Variants in R3HDM2 observed in about 807,000 individuals in gnomAD.
R3HDM2 encodes R3H domain-containing protein 2.
R3HDM2 carries 38 observed loss-of-function variants against 124.5 expected under a neutral mutation model. That is an observed-to-expected ratio of 0.31 (90% CI 0.24 to 0.40). The LOEUF is 0.40. Ranked by LOEUF, R3HDM2 falls within the 10% of genes least tolerant of loss-of-function variation. R3HDM2 has a pLI of 1.00. For missense variants in R3HDM2, 869 were observed against 1,236.9 expected (o/e 0.70, Z 4.46); for synonymous variants, 391 against 448.0 (o/e 0.87, Z 1.61).
chr12:57,335,127 G>A (rs1417677366), intron 2 of R3HDM2, among the ~76,000 whole-genome samples: 3 of 151,662 alleles, frequency 2.0e-5, no homozygotes, highest in Non-Finnish European at 2.9e-5. Flanking sequence ...GGGCAACAGA[G>A]CAAGACTCGG....
intron 2 of R3HDM2, among the ~76,000 whole-genome samples, chr12:57,319,757 C>G (rs972824904): frequency 1.3e-5 from 2 of 152,154 alleles, no homozygotes; most frequent in African/African-American, 4.8e-5. Context: ...CAGACTGTTA[C>G]TAATACAGAG....
chr12:57,430,476 G>C, intron 1 of R3HDM2: 5 of 953,644 alleles, frequency 5.2e-6, no homozygotes, highest in Non-Finnish European at 6.2e-6. Context: ...GCCACAGGTG[G>C]CGCCACCCCC....
At chr12:57,412,310 G>GC (rs2069078151) in intron 1 of R3HDM2, among the ~76,000 whole-genome samples, 1 of 50,024 alleles carries the variant, frequency 2.0e-5, no homozygotes, top group South Asian at 8.9e-4. Flanking sequence ...GGGAGGCCAA[G>GC]GGGGGCGAAT....
intron 1 of R3HDM2, among the ~76,000 whole-genome samples, chr12:57,411,032 A>G (rs2068955957): frequency 6.6e-6 from 1 of 152,324 alleles, no homozygotes; most frequent in Admixed American, 6.5e-5. Context: ...CAGGCAGCTC[A>G]TTTATTAAGT....
intron 3 of R3HDM2, among the ~76,000 whole-genome samples, chr12:57,305,883 C>T (rs2052468505): frequency 6.6e-6 from 1 of 152,182 alleles, no homozygotes; most frequent in Non-Finnish European, 1.5e-5. Context: ...TCCTGGACCT[C>T]GTAGTACTTA....
At chr12:57,302,597 C>T (rs576987447) in intron 4 of R3HDM2, among the ~76,000 whole-genome samples, 30 of 146,422 alleles carry the variant, frequency 2.0e-4, no homozygotes, top group South Asian at 4.3e-4. Context: ...ATCCAGAAGA[C>T]GGAGGTTGCA....
chr12:57,336,579 C>T lies in R3HDM2; in HGVS notation c.-35-26116G>A, dbSNP rs1448122227. On this transcript the variant is annotated intron_variant, in intron 2 of 23. Transcript: ENST00000402412. ...AAGGCAGGAACAGAAAACCAAATACCGCATGTTATCACTTATAAGTGGGAG... is the reference window on the plus strand; with the variant it reads ...AAGGCAGGAACAGAAAACCAAATACTGCATGTTATCACTTATAAGTGGGAG... Among the ~76,000 whole-genome samples the T allele has an allele frequency of 3.9e-5, 6 of 151,970 alleles. No individual in the cohort carries two copies. The East Asian group carries it at 5.8e-4, about 15-fold the overall frequency.
intron 14 of R3HDM2, among the ~76,000 whole-genome samples, chr12:57,270,816 G>A (rs188767619): frequency 1.3e-5 from 2 of 152,240 alleles, no homozygotes; most frequent in East Asian, 1.9e-4. Flanking sequence ...TGATCAGCCC[G>A]CCTCAGCCTC....
chr12:57,415,772 T>C (rs2069528785), intron 1 of R3HDM2, among the ~76,000 whole-genome samples: 1 of 152,216 alleles, frequency 6.6e-6, no homozygotes, highest in Admixed American at 6.5e-5. Context: ...TTGCCAAGTA[T>C]ATTTGACTTG....
intron 14 of R3HDM2, among the ~76,000 whole-genome samples, chr12:57,274,225 G>A (rs1428608705): frequency 6.6e-6 from 1 of 152,160 alleles, no homozygotes; most frequent in Non-Finnish European, 1.5e-5. Context: ...GCTCACACCT[G>A]TAATCCCAAC....
intron 13 of R3HDM2, among the ~76,000 whole-genome samples, chr12:57,283,302 T>C (rs2046598753): frequency 6.6e-6 from 1 of 152,154 alleles, no homozygotes; most frequent in Non-Finnish European, 1.5e-5. Context: ...TCAATTCTTT[T>C]TTTTTTTCCA....
chr12:57,323,687 C>T (rs1243656530), intron 2 of R3HDM2, among the ~76,000 whole-genome samples: 1 of 152,298 alleles, frequency 6.6e-6, no homozygotes, highest in East Asian at 1.9e-4. Context: ...TCTGTTATGG[C>T]TGTACTTGCC....
chr12:57,286,217 T>C (rs535359618), intron 12 of R3HDM2, among the ~76,000 whole-genome samples: 1 of 152,320 alleles, frequency 6.6e-6, no homozygotes, highest in East Asian at 1.9e-4. Flanking sequence ...GCAGATTTAG[T>C]GCTGGTGAAA....
chr12:57,272,680 A>C, intron 14 of R3HDM2: 21 of 587,680 alleles, frequency 3.6e-5, no homozygotes, highest in Non-Finnish European at 5.3e-5. Context: ...AAGGTTAATA[A>C]TCATAGAAGA....
intron 1 of R3HDM2, among the ~76,000 whole-genome samples, chr12:57,428,389 T>G (rs1566538357): frequency 6.6e-6 from 1 of 151,648 alleles, no homozygotes. Context: ...CCCAGCACTT[T>G]GGGAGGCCGA....
intron 2 of R3HDM2, among the ~76,000 whole-genome samples, chr12:57,376,786 C>A (rs1462111511): frequency 6.6e-6 from 1 of 151,626 alleles, no homozygotes; most frequent in Non-Finnish European, 1.5e-5. Context: ...CCCATCTCTA[C>A]TAAAAAATAC....
chr12:57,255,656 C>G (rs2038757043), intron 23 of R3HDM2, among the ~76,000 whole-genome samples: 1 of 152,176 alleles, frequency 6.6e-6, no homozygotes, highest in Non-Finnish European at 1.5e-5. Context: ...CCCATATTCT[C>G]TACCAATCTT....
intron 2 of R3HDM2, among the ~76,000 whole-genome samples, 175 bp downstream of exon 2, chr12:57,395,574 C>A (rs1471188753): frequency 6.6e-6 from 1 of 152,090 alleles, no homozygotes; most frequent in Non-Finnish European, 1.5e-5. Flanking sequence ...GCCACCTCGC[C>A]TGGCACTGAA....
At chr12:57,374,507 C>T (rs2063774741) in intron 2 of R3HDM2, among the ~76,000 whole-genome samples, 1 of 150,244 alleles carries the variant, frequency 6.7e-6, no homozygotes, top group South Asian at 2.1e-4. Context: ...CATGGTAAAA[C>T]CCTGTCTCTA....
Sources: allele counts gnomAD v4.1 joint callset (sites outside exome capture counted in the v4.1 genomes callset), GRCh38; gene constraint gnomAD v4.1.1; transcripts MANE v1.5; gene names NCBI Gene and HGNC (gene_info 2026-07-23, HGNC 2026-07-21).